Variants in TTC39B observed in about 807,000 individuals in gnomAD.
TTC39B encodes tetratricopeptide repeat protein 39B.
TTC39B carries 92 observed loss-of-function variants against 96.6 expected under a neutral mutation model. That is an observed-to-expected ratio of 0.95 (90% confidence interval 0.80 to 1.13). The LOEUF is 1.13. Among genes scored for constraint, TTC39B ranks in the 50% most tolerant of loss-of-function variants. TTC39B has a pLI of 0.00. For synonymous variants in TTC39B, 367 were observed against 299.4 expected (o/e 1.23, Z -2.33); for missense variants, 955 against 809.3 (o/e 1.18, Z -2.18).
chr9:15,249,974 C>G, intron 2 of TTC39B: 3 of 1,287,414 alleles, frequency 2.3e-6, no homozygotes, highest in Non-Finnish European at 2.0e-6. Flanking sequence ...ATGAAGATGT[C>G]TTTCCCTCTC....
intron 2 of TTC39B, among the ~76,000 whole-genome samples, chr9:15,263,969 T>C (rs1823032391): frequency 1.3e-5 from 2 of 152,154 alleles, no homozygotes; most frequent in Admixed American, 1.3e-4. Flanking sequence ...AACCTTTGGA[T>C]TTGTTAAACT....
At chr9:15,252,626 C>T (rs775203890) in intron 2 of TTC39B, among the ~76,000 whole-genome samples, 45 of 150,600 alleles carry the variant, frequency 3.0e-4, no homozygotes, top group Middle Eastern at 3.4e-3. Flanking sequence ...CCAGCGTGGG[C>T]AACAAGAGTG....
chr9:15,175,575 T>C (rs1275854482), intron 18 of TTC39B, among the ~76,000 whole-genome samples: 2 of 152,322 alleles, frequency 1.3e-5, no homozygotes, highest in South Asian at 2.1e-4. Flanking sequence ...TCAACACTTC[T>C]GTTTTCAGCA....
intron 8 of TTC39B, among the ~76,000 whole-genome samples, chr9:15,193,375 G>A (rs1017898992): frequency 6.6e-6 from 1 of 152,118 alleles, no homozygotes; most frequent in Non-Finnish European, 1.5e-5. Context: ...GATAATACCT[G>A]GGAATTGCTT....
At chr9:15,288,689 C>T (rs1248089835) in intron 1 of TTC39B, among the ~76,000 whole-genome samples, 1 of 152,246 alleles carries the variant, frequency 6.6e-6, no homozygotes, top group Non-Finnish European at 1.5e-5. Context: ...CTGGTTAACA[C>T]TTAAGCCATC....
chr9:15,293,150 T>A (rs1200360284), intron 1 of TTC39B, among the ~76,000 whole-genome samples: 1 of 152,192 alleles, frequency 6.6e-6, no homozygotes, highest in Non-Finnish European at 1.5e-5. Flanking sequence ...CAAATACCAT[T>A]GTGTTATAAT....
At chr9:15,271,829 T>C (rs1823364205) in intron 1 of TTC39B, among the ~76,000 whole-genome samples, 1 of 152,252 alleles carries the variant, frequency 6.6e-6, no homozygotes, top group Non-Finnish European at 1.5e-5. Context: ...TTTCACTGGT[T>C]TCCTAATTGG....
At chr9:15,232,296 CG>C (rs1288134976) in intron 2 of TTC39B, 5 of 152,604 alleles carry the variant, frequency 3.3e-5, no homozygotes, top group Non-Finnish European at 5.9e-5. Context: ...GCCTTAGAAG[CG>C]AACCCAAAAG....
chr9:15,250,388 G>C (rs73646017), intron 2 of TTC39B, among the ~76,000 whole-genome samples: 11,464 of 151,258 alleles, frequency 0.076, 558 homozygotes, highest in African/African-American at 0.12. Flanking sequence ...AGGGATTCAT[G>C]TCCTATCTAA....
At chr9:15,299,181 C>T (rs2131617082) in intron 1 of TTC39B, among the ~76,000 whole-genome samples, 1 of 152,308 alleles carries the variant, frequency 6.6e-6, no homozygotes, top group Admixed American at 6.5e-5. Flanking sequence ...CACATTAAGT[C>T]AGACTGAAAA....
chr9:15,296,852 T>C (rs1157749038), intron 1 of TTC39B, among the ~76,000 whole-genome samples: 1 of 152,148 alleles, frequency 6.6e-6, no homozygotes, highest in African/African-American at 2.4e-5. Context: ...GCCTGTAGTC[T>C]CAGCACTTTG....
chr9:15,165,229 C>T (rs542637624), exon 20 of TTC39B: 2 of 152,288 alleles, frequency 1.3e-5, no homozygotes, highest in East Asian at 1.9e-4. Context: ...TGCCTGTAAT[C>T]CCAGCTACTT....
chr9:15,180,378 AG>A (rs1354666919), intron 17 of TTC39B, among the ~76,000 whole-genome samples: 1 of 152,258 alleles, frequency 6.6e-6, no homozygotes, highest in Non-Finnish European at 1.5e-5. Context: ...GAATTTAGTT[AG>A]ATTTCAAATG....
rs1767739413 is a variant in TTC39B at position 15,306,809 on chromosome 9, T to C, written c.240+275A>G. On this transcript the variant is annotated intron_variant, in intron 1 of 19. Coordinates refer to ENST00000512701, the Ensembl canonical transcript of TTC39B. This position sits in a 1 kb window ranked among gnomAD's most constrained non-coding sequence, Gnocchi z 5.1. The stretch of plus-strand genomic sequence containing the variant: ...TCCCGCGCCCTCACGCCCATCCAAG[T>C]GCTGGCAGGACGTGGGTCCTCCATC... 6.6e-6 allele frequency among the ~76,000 whole-genome samples: 1 copy of C among 152,074 alleles called. No individual in the cohort carries two copies. Among genetic ancestry groups the C allele is most frequent in the South Asian group, 2.1e-4 (1 of 4,824 alleles).
At chr9:15,267,380 T>C (rs1823174530) in intron 2 of TTC39B, among the ~76,000 whole-genome samples, 1 of 152,258 alleles carries the variant, frequency 6.6e-6, no homozygotes, top group Non-Finnish European at 1.5e-5. Context: ...ACATTTGTTA[T>C]GTTAACCTTT....
intron 1 of TTC39B, among the ~76,000 whole-genome samples, chr9:15,283,539 C>G (rs1221453318): frequency 8.1e-6 from 1 of 123,104 alleles, no homozygotes; most frequent in African/African-American, 2.7e-5. Flanking sequence ...GAACTTTTTA[C>G]ATACAGAGAA....
chr9:15,173,044 T>C (rs1817743704), intron 19 of TTC39B, among the ~76,000 whole-genome samples: 1 of 152,188 alleles, frequency 6.6e-6, no homozygotes, highest in African/African-American at 2.4e-5. Context: ...ATCTTTATGT[T>C]TGAATTGTCA....
intron 1 of TTC39B, among the ~76,000 whole-genome samples, chr9:15,294,860 G>T (rs532404041): frequency 1.3e-4 from 20 of 152,136 alleles, no homozygotes; most frequent in African/African-American, 4.3e-4. Flanking sequence ...CACGATAAGC[G>T]CTGCATAGGC....
intron 2 of TTC39B, among the ~76,000 whole-genome samples, chr9:15,233,538 G>A (rs1821561733): frequency 6.7e-6 from 1 of 150,356 alleles, no homozygotes; most frequent in Non-Finnish European, 1.5e-5. Context: ...GTATTTTTTT[G>A]GTGGAGACGG....
Sources: gnomAD v4.1 joint callset for allele counts (sites outside exome capture counted in the v4.1 genomes callset) on GRCh38, gnomAD v4.1.1 for gene constraint, Gnocchi (gnomAD v3.1) non-coding constraint, MANE v1.5 for transcripts, NCBI Gene and HGNC (gene_info 2026-07-23, HGNC 2026-07-21) for gene names.